MANBA: variants seen among roughly 807,000 people sequenced by gnomAD.
MANBA encodes mannosidase beta, also known as beta-mannosidase.
Under a neutral mutation model 111.1 loss-of-function variants are expected in MANBA, and 83 were observed. The observed-to-expected ratio is 0.75, with a 90% CI of 0.63 to 0.90. MANBA has a LOEUF of 0.90. MANBA is among the 40% of genes least tolerant of loss of function. The probability of loss-of-function intolerance (pLI) is 0.00; values close to 1 mark genes in which losing one functional copy is unlikely to be tolerated. For synonymous variants in MANBA, 370 were observed against 378.7 expected, an observed-to-expected ratio of 0.98 and a Z score of 0.27; for missense variants, 1,036 against 1,069.0, an observed-to-expected ratio of 0.97 and a Z score of 0.43.
intron 7 of MANBA, among the ~76,000 whole-genome samples, chr4:102,684,507 C>G (rs1732124054): frequency 6.6e-6 from 1 of 152,180 alleles, no homozygotes; most frequent in South Asian, 2.1e-4. Context: ...CAGTAATGTT[C>G]ACAGCAGCAT....
At chr4:102,694,493 T>A (rs1732620085) in intron 5 of MANBA, among the ~76,000 whole-genome samples, 1 of 152,174 alleles carries the variant, frequency 6.6e-6, no homozygotes, top group Non-Finnish European at 1.5e-5. Context: ...CTCCATCTTA[T>A]AAATTAAGCC....
Position 102,650,537 on chromosome 4 carries a change from C to T in MANBA, c.1869G>A (p.Gln623=). The change falls in exon 13 of 17, where the codon CAG becomes CAA. Residue 623 remains glutamine (Q), a splice_region_variant and synonymous_variant. Transcript: ENST00000647097. The part of the protein sequence containing the change: ...RTFKDTIYLT[Q]VMQAQCVKTE... ...CAATTCTAGAATGAAAACAACTTAC[C>T]TGAGTAAGGTAGATGGTATCTTTAA... 3 of 1,610,930 alleles carry T rather than the reference C, an allele frequency of 1.9e-6. No individual in the cohort carries two copies. Among genetic ancestry groups the T allele is most frequent in the Non-Finnish European group, 2.5e-6 (3 of 1,177,238 alleles).
intron 14 of MANBA, among the ~76,000 whole-genome samples, chr4:102,636,520 T>C (rs967724971): frequency 1.3e-5 from 2 of 152,220 alleles, no homozygotes; most frequent in African/African-American, 4.8e-5. Context: ...TAATAACTTA[T>C]AGATTCTAGG....
At chr4:102,639,937 T>C in intron 13 of MANBA, 80 bp from the exon 14 acceptor site, 1 of 1,535,878 alleles carries the variant, frequency 6.5e-7, no homozygotes, top group Non-Finnish European at 9.0e-7. Flanking sequence ...CAGGGTTTAG[T>C]TTTGTTTTGG....
intron 7 of MANBA, among the ~76,000 whole-genome samples, chr4:102,686,190 A>ATGTGTG (rs34832646): frequency 0.03 from 4,534 of 150,488 alleles, 233 homozygotes; most frequent in African/African-American, 0.1. Flanking sequence ...GAACTAGGAA[A>ATGTGTG]TGTGTGTGTG....
At chr4:102,698,119 C>T (rs1052075046) in intron 5 of MANBA, among the ~76,000 whole-genome samples, 2 of 151,692 alleles carry the variant, frequency 1.3e-5, no homozygotes, top group Non-Finnish European at 2.9e-5. Context: ...TGATGATGAG[C>T]ATTTTTTCAT....
intron 1 of MANBA, chr4:102,730,736 A>G (rs1723003555): frequency 1.9e-6 from 1 of 519,330 alleles, no homozygotes; most frequent in Non-Finnish European, 3.8e-6. Flanking sequence ...TGCTTCTTCA[A>G]CTGTCAGGTA....
At chr4:102,701,268 G>A (rs1359657418) in intron 5 of MANBA, among the ~76,000 whole-genome samples, 5 of 151,884 alleles carry the variant, frequency 3.3e-5, no homozygotes, top group Non-Finnish European at 7.4e-5. Flanking sequence ...CATGGGAGAT[G>A]GGTTTCCTGA....
chr4:102,666,340 G>C (rs1047966918), intron 10 of MANBA: 3 of 152,170 alleles, frequency 2.0e-5, no homozygotes, highest in African/African-American at 7.2e-5. Flanking sequence ...CAATTAATAT[G>C]TTTACAGTTA....
chr4:102,635,504 T>C (rs1207324299), intron 15 of MANBA, among the ~76,000 whole-genome samples: 2 of 152,236 alleles, frequency 1.3e-5, no homozygotes, highest in Admixed American at 1.3e-4. Context: ...ATGCCATTTT[T>C]AACCATTTCT....
At position 102,669,019 on chromosome 4, in the gene MANBA, G is replaced by A. The variant is rs1731362211; in HGVS notation, c.1261C>T (p.Leu421Phe). Residue 421 changes from leucine (L) to phenylalanine (F), a missense_variant, in exon 10 of 17, where the codon CTT (leucine) becomes TTT (phenylalanine). By Grantham distance (22) the Leu-to-Phe change is conservative. Coordinates refer to ENST00000647097, the MANE Select transcript of MANBA (RefSeq NM_005908.4). ...VWQDFMFACA[L>F]YPTDQGFLDS... ...AGGAAGCCCTGATCAGTTGGATAAA[G>A]GGCACAGGCAAACATAAAATCCTGC... is the stretch of plus-strand genomic sequence containing the variant. 1.2e-6 allele frequency: 2 copies of A among 1,613,632 alleles called. No individual in the cohort carries two copies. Among genetic ancestry groups the A allele is most frequent in the Non-Finnish European group, 8.5e-7 (1 of 1,179,796 alleles).
chr4:102,644,548 G>A (rs1350010791), intron 13 of MANBA, among the ~76,000 whole-genome samples: 4 of 152,020 alleles, frequency 2.6e-5, no homozygotes, highest in Admixed American at 6.6e-5. Flanking sequence ...ATGATCTCAC[G>A]TATACATGGA....
chr4:102,756,763 C>A, intron 1 of MANBA, among the ~76,000 whole-genome samples: 1 of 126,652 alleles, frequency 7.9e-6, no homozygotes, highest in Non-Finnish European at 1.6e-5. Flanking sequence ...TCTTACTTAT[C>A]TATATATTTT....
At chr4:102,684,776 T>C (rs887321317) in intron 7 of MANBA, among the ~76,000 whole-genome samples, 8 of 152,120 alleles carry the variant, frequency 5.3e-5, no homozygotes, top group Non-Finnish European at 1.2e-4. Flanking sequence ...AGGTGGATAA[T>C]GTATACAGCA....
intron 7 of MANBA, among the ~76,000 whole-genome samples, chr4:102,686,765 C>T (rs1390468225): frequency 1.3e-5 from 2 of 152,180 alleles, no homozygotes; most frequent in Non-Finnish European, 2.9e-5. Context: ...GATTCTTCTA[C>T]TGGCTTCTCC....
At chr4:102,734,830 G>C (rs1723151415) in intron 1 of MANBA, among the ~76,000 whole-genome samples, 1 of 152,156 alleles carries the variant, frequency 6.6e-6, no homozygotes, top group Non-Finnish European at 1.5e-5. Context: ...TGATGGTTTA[G>C]AGTCAAGGGG....
chr4:102,752,441 A>G, intron 1 of MANBA: 2 of 803,774 alleles, frequency 2.5e-6, no homozygotes, highest in Non-Finnish European at 4.5e-6. Context: ...TCTCCTACCC[A>G]TGAACAGCAA....
At chr4:102,638,660 C>T (rs1729733594) in intron 14 of MANBA, among the ~76,000 whole-genome samples, 1 of 152,172 alleles carries the variant, frequency 6.6e-6, no homozygotes, top group Non-Finnish European at 1.5e-5. Context: ...ATCTCTTTGC[C>T]TACCTTTCCA....
chr4:102,650,484 T>G (rs191048428), intron 13 of MANBA, 53 bp downstream of exon 13: 3 of 1,527,794 alleles, frequency 2.0e-6, no homozygotes, highest in Non-Finnish European at 2.7e-6. Flanking sequence ...ATCTACATAA[T>G]CTCTTACATT....
Sources: allele counts gnomAD v4.1 joint callset (sites outside exome capture counted in the v4.1 genomes callset), GRCh38; gene constraint gnomAD v4.1.1; transcripts MANE v1.5; gene names NCBI Gene and HGNC (gene_info 2026-07-23, HGNC 2026-07-21).